The following ADAR variants were observed in gnomAD, a reference collection of about 807,000 sequenced individuals.
The protein encoded by ADAR is adenosine deaminase RNA specific.
In ADAR, 41 loss-of-function variants were observed where a neutral mutation model predicts 113.2. The ratio of observed to expected loss-of-function variants is 0.36; its 90% CI spans 0.28 to 0.47. The LOEUF is 0.47. ADAR is among the 20% of genes least tolerant of loss of function. The probability of loss-of-function intolerance (pLI) is 1.00; values close to 1 mark genes in which losing one functional copy is unlikely to be tolerated. For missense variants in ADAR, 1,242 were observed against 1,540.9 expected (o/e 0.81, Z 3.25); for synonymous variants, 605 against 572.6 (o/e 1.06, Z -0.81).
At chr1:154,611,641 C>T (rs576831237), upstream of ADAR, among the ~76,000 whole-genome samples, 15 of 152,310 alleles carry the variant, frequency 9.8e-5, no homozygotes, top group East Asian at 2.5e-3. Context: ...TTTCCCTGTG[C>T]GTAACTTCCC....
In ADAR at chr1:154,584,072, C is replaced by A. The variant is rs1696581997; in HGVS notation, c.*734G>T. On this transcript the variant is annotated 3_prime_UTR_variant, in exon 15 of 15. Coordinates refer to ENST00000368474, the MANE Select transcript of ADAR (RefSeq NM_001111.5). ...GCTTGAGCAGCTCCCTTAACCCAGT[C>A]TGGCTGGTTCTAGACTTCCCAGCTG... is the stretch of plus-strand genomic sequence containing the variant. 6.6e-6 allele frequency: 1 copy of A among 152,310 alleles called. No homozygotes were observed. Among genetic ancestry groups the A allele is most frequent in the Admixed American group, 6.5e-5 (1 of 15,286 alleles). The allele number at this position is 152,310 out of a possible 1,614,324, so 9.4% of individuals were successfully genotyped here. A position where few individuals can be genotyped will look rare whatever the true frequency, so the allele number is the denominator to read the frequency against.
chr1:154,586,447 G>A, intron 11 of ADAR, 84 bp from the exon 12 acceptor site: 1 of 1,336,938 alleles, frequency 7.5e-7, no homozygotes, highest in Admixed American at 1.9e-5. Flanking sequence ...CTTAAGCTTG[G>A]GCCACAGGCT....
At chr1:154,617,834 T>C (rs563427065) in intron 1 of ADAR, among the ~76,000 whole-genome samples, 8 of 152,000 alleles carry the variant, frequency 5.3e-5, no homozygotes, top group South Asian at 2.1e-4. Context: ...TTTCTACCTA[T>C]GGAAATTCTT....
At chr1:154,627,326 G>A (rs1698969883) in intron 1 of ADAR, among the ~76,000 whole-genome samples, 1 of 152,204 alleles carries the variant, frequency 6.6e-6, no homozygotes, top group Non-Finnish European at 1.5e-5. Flanking sequence ...TTCCACAGTG[G>A]CCTCCTACGC....
At chr1:154,593,962 C>A (rs1456713765) in intron 6 of ADAR, among the ~76,000 whole-genome samples, 2 of 152,076 alleles carry the variant, frequency 1.3e-5, no homozygotes, top group African/African-American at 4.8e-5. Flanking sequence ...CAGGTCACTG[C>A]AACTTCCGCC....
chr1:154,598,573 C>T lies in ADAR; in HGVS notation c.1614G>A (p.Gln538=), dbSNP rs765587380. ...GPPHEPRFKF[Q]VVINGREFPP... is the part of the protein sequence containing the mutation. Reference sequence around the variant, plus strand: ...GAAACTCTCGGCCATTGATGACAACCTGGAATTTAAATCTTGACGGAAAGT... The same window carrying T: ...GAAACTCTCGGCCATTGATGACAACTTGGAATTTAAATCTTGACGGAAAGT... The change falls in exon 3 of 15, where the codon CAG becomes CAA. Residue 538 remains glutamine (Q), a synonymous_variant. Coordinates refer to ENST00000368474, the MANE Select transcript of ADAR (RefSeq NM_001111.5). 3.1e-6 allele frequency: 5 copies of T among 1,614,190 alleles called. No individual in the cohort carries two copies. The Middle Eastern group carries it at 8.2e-4, about 266-fold the overall frequency.
upstream of ADAR, chr1:154,608,835 G>GGGGGGGGGGT: frequency 7.1e-6 from 1 of 140,050 alleles, no homozygotes; most frequent in Non-Finnish European, 1.6e-5. Flanking sequence ...TGGAGGGGGG[G>GGGGGGGGGGT]GGGAGGGGAT....
chr1:154,608,862 C>T (rs1698381509), upstream of ADAR: 1 of 144,762 alleles, frequency 6.9e-6, no homozygotes, highest in Non-Finnish European at 1.5e-5. Context: ...GAGCGCAGAT[C>T]TCGTCAAACG....
Position 154,585,780 on chromosome 1 carries a change from T to C in ADAR, c.3288A>G (p.Arg1096=). 1 of 1,613,864 alleles carries C rather than the reference T, an allele frequency of 6.2e-7. No individual in the cohort carries two copies. Residue 1096 remains arginine (R), a synonymous_variant, in exon 13 of 15, where the codon CGA becomes CGG. Coordinates refer to ENST00000368474, the MANE Select transcript of ADAR (RefSeq NM_001111.5). Reference sequence around the variant, plus strand: ...TGGGGTGGTTGACAATAAAGGGATGTCGTAGTCCATCCTCAAATGCACTCC... The same window carrying C: ...TGGGGTGGTTGACAATAAAGGGATGCCGTAGTCCATCCTCAAATGCACTCC... ...RDGSAFEDGL[R]HPFIVNHPKV...
rs756084799 is a variant in ADAR, at chr1:154,590,298, C to T, written c.2382G>A (p.Gly794=). The change falls in exon 7 of 15, where the codon GGG becomes GGA. Residue 794 remains glycine, a synonymous_variant. Transcript: ENST00000368474. The stretch of plus-strand genomic sequence containing the variant: ...CCATGCGTTCTGCCTTCTCGTTCTC[C>T]CCAATCAAGACACGGAGAGCCGCAT... ...AADAALRVLI[G]ENEKAERMGF... 3.7e-6 allele frequency: 6 copies of T among 1,614,010 alleles called. No individual in the cohort carries two copies. In the African/African-American group the frequency reaches 6.7e-5, roughly 18 times the overall value.
chr1:154,594,731 C>A (rs1697385016), intron 6 of ADAR, among the ~76,000 whole-genome samples: 1 of 152,192 alleles, frequency 6.6e-6, no homozygotes, highest in African/African-American at 2.4e-5. Flanking sequence ...CTTGCAGCCA[C>A]CCAAGACATC....
chr1:154,589,493 A>C (rs1557869907), intron 8 of ADAR, 31 bp from the exon 9 acceptor site: 3 of 1,568,060 alleles, frequency 1.9e-6, no homozygotes, highest in Non-Finnish European at 2.6e-6. Context: ...GAAATAGAAT[A>C]ATGGAAGGAA....
At position 154,585,242 on chromosome 1, in the gene ADAR, C is replaced by T; in HGVS notation, c.3418G>A (p.Asp1140Asn). The T allele has an allele frequency of 6.2e-6, 10 of 1,614,174 alleles. No homozygotes were observed. Among genetic ancestry groups the T allele is most frequent in the Non-Finnish European group, 7.6e-6 (9 of 1,180,036 alleles). Residue 1140 changes from aspartate (D) to asparagine (N), a missense_variant, in exon 14 of 15, where the codon GAC becomes AAC. Asp to Asn is a conservative substitution (Grantham distance 23). Coordinates refer to ENST00000368474, the MANE Select transcript of ADAR (RefSeq NM_001111.5). The part of the protein sequence containing the change: ...LADGYDLEIL[D>N]GTRGTVDGPR... ...CCATCCACAGTGCCTCTGGTACCGT[C>T]CAGGATCTCCAGGTCATAGCCATCA...
intron 1 of ADAR, among the ~76,000 whole-genome samples, chr1:154,624,762 T>C (rs1371492125): frequency 1.3e-5 from 2 of 152,346 alleles, no homozygotes; most frequent in South Asian, 4.1e-4. Flanking sequence ...ACAGATGTTA[T>C]AGCAAAACAA....
At chr1:154,625,830 C>A (rs1409744847) in intron 1 of ADAR, among the ~76,000 whole-genome samples, 1 of 152,062 alleles carries the variant, frequency 6.6e-6, no homozygotes, top group Admixed American at 6.5e-5. Flanking sequence ...CATGGTGAAA[C>A]CCTGTCTTAC....
At chr1:154,590,747 T>A (rs574726810) in intron 6 of ADAR, among the ~76,000 whole-genome samples, 3 of 148,958 alleles carry the variant, frequency 2.0e-5, no homozygotes, top group Non-Finnish European at 4.4e-5. Context: ...CTGGGCAACA[T>A]AGTAATCCCC....
At chr1:154,608,755 G>C (rs61811388), upstream of ADAR, 57,018 of 147,696 alleles carry the variant, frequency 0.39, 12,566 homozygotes, top group East Asian at 0.54. Context: ...CAAAACCTCA[G>C]GCCAGAAACA....
chr1:154,602,429 G>A lies in ADAR; in HGVS notation c.213C>T (p.Leu71=), dbSNP rs765015055. 7 of 1,610,214 alleles carry A rather than the reference G, an allele frequency of 4.3e-6. No homozygotes were observed. The highest frequency in any genetic ancestry group is 5.1e-6 in the Non-Finnish European group (6 of 1,177,622). The change falls in exon 2 of 15, where the codon CTC becomes CTT. Residue 71 remains leucine, a synonymous_variant. Coordinates refer to ENST00000368474, the MANE Select transcript of ADAR (RefSeq NM_001111.5). The part of the protein sequence containing the change: ...TPSLPPSLPG[L]RPRFPVLLAS... ...CAAGTAGTACTGGAAACCTTGGCCG[G>A]AGTCCTGGGAGGGAAGGTGGCAGTG...
chr1:154,607,675 G>A (rs545438490), intron 1 of ADAR, among the ~76,000 whole-genome samples: 4 of 152,064 alleles, frequency 2.6e-5, no homozygotes, highest in East Asian at 1.9e-4. Context: ...TAATGAGCAG[G>A]ATACAAATTC....
Sources: gnomAD v4.1 joint callset for allele counts (sites outside exome capture counted in the v4.1 genomes callset) on GRCh38, gnomAD v4.1.1 for gene constraint, MANE v1.5 for transcripts, NCBI Gene and HGNC (gene_info 2026-07-23, HGNC 2026-07-21) for gene names.